The following DPEP1 variants were observed in gnomAD, a reference collection of about 807,000 sequenced individuals.
DPEP1 encodes dipeptidase 1, also known as beta-lactamase.
A neutral mutation model predicts 42.3 loss-of-function variants in DPEP1; 50 were observed. The observed-to-expected ratio is 1.18, with a 90% confidence interval of 0.94 to 1.50. The LOEUF (loss-of-function observed/expected upper bound fraction) is 1.50. Ranked by LOEUF, DPEP1 falls within the 40% of genes most tolerant of loss-of-function variation. The probability of loss-of-function intolerance (pLI) is 0.00; values close to 1 mark genes in which losing one functional copy is unlikely to be tolerated. For missense variants in DPEP1, 663 were observed against 553.0 expected (o/e 1.20, Z -1.99); for synonymous variants, 297 against 234.0 (o/e 1.27, Z -2.46).
At chr16:89,639,359 A>C (rs568052748), downstream of DPEP1, among the ~76,000 whole-genome samples, 2 of 4,528 alleles carry the variant, frequency 4.4e-4, no homozygotes, top group Admixed American at 3.3e-3. Context: ...CACACACCTC[A>C]CCCCTGCACA....
chr16:89,637,927 G>T lies in DPEP1; in HGVS notation c.1021G>T (p.Ala341Ser). 3 of 1,610,896 alleles carry T rather than the reference G, an allele frequency of 1.9e-6. No homozygotes were observed. The highest frequency in any genetic ancestry group is 2.5e-6 in the Non-Finnish European group (3 of 1,179,078). The change falls in exon 10 of 11, where the codon GCA becomes TCA. Residue 341 changes from alanine (A) to serine (S), a missense_variant. Physicochemically the swap from Ala to Ser is moderately conservative, Grantham distance 99. Coordinates refer to ENST00000690203, the MANE Select transcript of DPEP1 (RefSeq NM_001389466.1). ...RNWTEAEVKG[A>S]LADNLLRVFE... ...CTGGACGGAGGCGGAGGTCAAGGGC[G>T]CACTGGCTGACAACCTGCTGAGGGT...
At chr16:89,640,193 C>T (rs985923855), downstream of DPEP1, among the ~76,000 whole-genome samples, 4 of 152,180 alleles carry the variant, frequency 2.6e-5, no homozygotes, top group Admixed American at 6.5e-5. Context: ...CAGGACAGGA[C>T]CCCCCACGCT....
At chr16:89,616,940 G>C (rs548361551) in intron 1 of DPEP1, 1 of 233,624 alleles carries the variant, frequency 4.3e-6, no homozygotes, top group East Asian at 1.6e-4. Flanking sequence ...GTTTTACCGA[G>C]CGGCGTGACG....
intron 1 of DPEP1, among the ~76,000 whole-genome samples, chr16:89,614,624 C>G (rs2059363793): frequency 6.6e-6 from 1 of 152,080 alleles, no homozygotes; most frequent in African/African-American, 2.4e-5. Context: ...GAAACCCCGT[C>G]TCTAATAAAA....
Position 89,637,321 on chromosome 16 carries a change from T to C in DPEP1, c.709T>C (p.Ser237Pro), listed in dbSNP as rs201233562. The C allele has an allele frequency of 1.2e-6, 2 of 1,612,598 alleles. No individual in the cohort carries two copies. The highest frequency in any genetic ancestry group is 3.3e-5 in the Admixed American group (2 of 60,010). ...SRAPVIFSHS[S>P]AYSVCASRRN... ...AGCCCCGGTCATCTTCAGCCACTCC[T>C]CGGCCTACAGCGTGTGCGCAAGCCG... The change falls in exon 7 of 11, where the codon TCG becomes CCG. Residue 237 changes from serine (S) to proline (P), a missense_variant. By Grantham distance (74) the Ser-to-Pro change is moderately conservative (BLOSUM62 -1). Coordinates refer to ENST00000690203, the MANE Select transcript of DPEP1 (RefSeq NM_001389466.1).
chr16:89,621,540 G>A (rs3794636), intron 1 of DPEP1, among the ~76,000 whole-genome samples: 9,121 of 152,206 alleles, frequency 0.06, 954 homozygotes, highest in East Asian at 0.47. Context: ...AGACAGGGCC[G>A]GGCTCCCCGT....
chr16:89,620,827 A>C (rs1218763912), intron 1 of DPEP1: 1 of 151,976 alleles, frequency 6.6e-6, no homozygotes, highest in Non-Finnish European at 1.5e-5. Context: ...GGTTTTGGGG[A>C]GCGTGCAGCC....
In DPEP1 at chr16:89,636,560, A is replaced by T. The variant is rs749736281; in HGVS notation, c.398A>T (p.Lys133Met). The change falls in exon 5 of 11, where the codon AAG becomes ATG. Residue 133 changes from lysine (K) to methionine (M), a missense_variant. Physicochemically the swap from Lys to Met is moderately conservative, Grantham distance 95. Coordinates refer to ENST00000690203, the MANE Select transcript of DPEP1 (RefSeq NM_001389466.1). ...ATTCGGCAGGCCTTCCGGGAAGGGA[A>T]GGTGGCCAGCCTGATCGGCGTGGAG... ...AGIRQAFREG[K>M]VASLIGVEGG... is the part of the protein sequence containing the mutation. The T allele has an allele frequency of 1.9e-6, 3 of 1,612,546 alleles. No individual in the cohort carries two copies. The South Asian group carries it at 3.3e-5, about 18-fold the overall frequency.
chr16:89,638,245 T>G lies in DPEP1; in HGVS notation c.*23T>G. The stretch of plus-strand genomic sequence containing the variant: ...TGAAACCTGGGAGACCAGAGTCCCC[T>G]TTAGGGTTCCCGGAGCTCCGGGAAG... On this transcript the variant is annotated 3_prime_UTR_variant, in exon 11 of 11. Coordinates refer to ENST00000690203, the MANE Select transcript of DPEP1 (RefSeq NM_001389466.1). 7.9e-6 allele frequency: 12 copies of G among 1,510,458 alleles called. No homozygotes were observed. Among genetic ancestry groups the G allele is most frequent in the Non-Finnish European group, 1.1e-5 (12 of 1,126,036 alleles). The allele number at this position is 1,510,458 out of a possible 1,614,324, so 93.6% of individuals were successfully genotyped here. A position where few individuals can be genotyped will look rare whatever the true frequency, so the allele number is the denominator to read the frequency against.
At chr16:89,624,853 GC>G (rs1190028871) in intron 1 of DPEP1, among the ~76,000 whole-genome samples, 4 of 152,100 alleles carry the variant, frequency 2.6e-5, no homozygotes, top group Non-Finnish European at 5.9e-5. Flanking sequence ...GGTCTTAAGG[GC>G]ACCTTTCATG....
chr16:89,639,469 C>T (rs1406205377), downstream of DPEP1, among the ~76,000 whole-genome samples: 3 of 94,784 alleles, frequency 3.2e-5, no homozygotes, highest in African/African-American at 8.7e-5. Flanking sequence ...CCCCTGCACA[C>T]GCACACCCCT....
chr16:89,621,243 C>T (rs919129729), intron 1 of DPEP1, among the ~76,000 whole-genome samples: 4 of 147,630 alleles, frequency 2.7e-5, no homozygotes, highest in Non-Finnish European at 5.9e-5. Context: ...AGGAAGAGCT[C>T]GCGCCCTGGT....
rs373979298 is a variant in DPEP1, at chr16:89,637,570, G to C, written c.853+18G>C. ...AGTGGCCGGTAGGTGGGGTGTGAGC[G>C]GCCAAGGGGGCCGAAGGGGGAGGGC... On this transcript the variant is annotated intron_variant, in intron 8 of 10. Coordinates refer to ENST00000690203, the MANE Select transcript of DPEP1 (RefSeq NM_001389466.1). 1 of 1,612,836 alleles carries C rather than the reference G, an allele frequency of 6.2e-7. No individual in the cohort carries two copies. Among genetic ancestry groups the C allele is most frequent in the Non-Finnish European group, 8.5e-7 (1 of 1,179,984 alleles).
intron 1 of DPEP1, chr16:89,617,016 C>T: frequency 4.9e-6 from 1 of 203,160 alleles, no homozygotes. Context: ...TGGGCAGGCC[C>T]TGGAGCAGAA....
chr16:89,616,611 G>C (rs2059380988), intron 1 of DPEP1, among the ~76,000 whole-genome samples: 1 of 152,182 alleles, frequency 6.6e-6, no homozygotes, highest in Admixed American at 6.6e-5. Flanking sequence ...AGGATTCCCG[G>C]GTGGCTTAAA....
intron 1 of DPEP1, among the ~76,000 whole-genome samples, chr16:89,617,133 G>T (rs138041016): frequency 1.4e-3 from 220 of 152,268 alleles, no homozygotes; most frequent in African/African-American, 5.1e-3. Context: ...CTTGGCCAGG[G>T]TTGGGGACAA....
chr16:89,637,399 A>G lies in DPEP1; in HGVS notation c.768+19A>G. On this transcript the variant is annotated intron_variant, in intron 7 of 10. Coordinates refer to ENST00000690203, the MANE Select transcript of DPEP1 (RefSeq NM_001389466.1). ...GCTGGTGGTGAGGGCCGAGGGGGCGACCTCCACCCCGCCTCCCTGGGCAGG... is the reference window on the plus strand; with the variant it reads ...GCTGGTGGTGAGGGCCGAGGGGGCGGCCTCCACCCCGCCTCCCTGGGCAGG... 6.2e-7 allele frequency: 1 copy of G among 1,611,598 alleles called. No homozygotes were observed. The highest frequency in any genetic ancestry group is 8.5e-7 in the Non-Finnish European group (1 of 1,179,654).
At chr16:89,617,535 G>T (rs1160192618) in intron 1 of DPEP1, among the ~76,000 whole-genome samples, 1 of 152,144 alleles carries the variant, frequency 6.6e-6, no homozygotes, top group Non-Finnish European at 1.5e-5. Context: ...GCCCACACCT[G>T]TGCCGGTCTG....
At position 89,636,054 on chromosome 16, in the gene DPEP1, T is replaced by G. The variant is rs1384967892; in HGVS notation, c.237+14T>G. 2.1e-5 allele frequency: 34 copies of G among 1,600,232 alleles called. No individual in the cohort carries two copies. The highest frequency in any genetic ancestry group is 2.7e-5 in the Non-Finnish European group (32 of 1,173,860). ...GTGGGAGGCCAGGTACCGCCTGCCC[T>G]GCCTTGTGCTTGCCCTGTGTGGGGT... On this transcript the variant is annotated intron_variant, in intron 3 of 10. Coordinates refer to ENST00000690203, the MANE Select transcript of DPEP1 (RefSeq NM_001389466.1).
Sources: allele counts gnomAD v4.1 joint callset (sites outside exome capture counted in the v4.1 genomes callset), GRCh38; gene constraint gnomAD v4.1.1; transcripts MANE v1.5; gene names NCBI Gene and HGNC (gene_info 2026-07-23, HGNC 2026-07-21).